The following MTUS2 variants were observed in gnomAD, a reference collection of about 807,000 sequenced individuals.
The protein encoded by MTUS2 is microtubule-associated tumor suppressor candidate 2.
Under a neutral mutation model 114.1 loss-of-function variants are expected in MTUS2, and 40 were observed. The ratio of observed to expected loss-of-function variants is 0.35; its 90% CI spans 0.27 to 0.46. The LOEUF is 0.46. Ranked by LOEUF, MTUS2 falls within the 20% of genes least tolerant of loss-of-function variation. The pLI is 1.00. For missense variants in MTUS2, 1,679 were observed against 1,705.4 expected (o/e 0.98, Z 0.27); for synonymous variants, 688 against 672.0 (o/e 1.02, Z -0.37).
intron 2 of MTUS2, among the ~76,000 whole-genome samples, chr13:29,001,973 T>C (rs534288141): frequency 2.0e-5 from 3 of 152,152 alleles, no homozygotes; most frequent in African/African-American, 7.2e-5. Context: ...AGCTTTTTGA[T>C]GGAAGAGGTA....
intron 5 of MTUS2, among the ~76,000 whole-genome samples, chr13:29,137,837 C>T (rs141549144): frequency 8.7e-4 from 132 of 151,052 alleles, no homozygotes; most frequent in Admixed American, 1.6e-3. Flanking sequence ...ACATGTGCTC[C>T]GAATTTCTAA....
chr13:29,310,196 G>T (rs1226451215), intron 6 of MTUS2, among the ~76,000 whole-genome samples: 1 of 152,266 alleles, frequency 6.6e-6, no homozygotes, highest in South Asian at 2.1e-4. Context: ...ACCTTGTGGA[G>T]TAGCTACTGT....
intron 12 of MTUS2, among the ~76,000 whole-genome samples, chr13:29,495,384 A>G (rs980417552): frequency 8.7e-5 from 13 of 148,918 alleles, no homozygotes; most frequent in African/African-American, 3.2e-4. Context: ...AAAAAAAGGA[A>G]GTAACTGGAA....
chr13:28,944,824 C>T (rs1882432943), intron 2 of MTUS2, among the ~76,000 whole-genome samples: 1 of 152,156 alleles, frequency 6.6e-6, no homozygotes, highest in South Asian at 2.1e-4. Flanking sequence ...TTCTCTTTTA[C>T]TGTCTTATAA....
intron 7 of MTUS2, among the ~76,000 whole-genome samples, chr13:29,346,573 G>A (rs553534770): frequency 9.9e-5 from 11 of 111,138 alleles, no homozygotes; most frequent in Non-Finnish European, 1.5e-4. Flanking sequence ...CAGCACGAGA[G>A]GGACATGCCC....
At chr13:29,339,059 G>A (rs190511202) in intron 7 of MTUS2, among the ~76,000 whole-genome samples, 1 of 152,096 alleles carries the variant, frequency 6.6e-6, no homozygotes, top group East Asian at 1.9e-4. Flanking sequence ...AAGGTGGCAG[G>A]GCCCTGACTC....
At chr13:29,491,522 ATG>A (rs769891497) in intron 11 of MTUS2, among the ~76,000 whole-genome samples, 20 of 97,412 alleles carry the variant, frequency 2.1e-4, no homozygotes, top group Non-Finnish European at 3.6e-4. Flanking sequence ...GGGAGGCATG[ATG>A]TGTGTGGTAT....
chr13:29,120,450 A>G (rs1891261991), intron 5 of MTUS2, among the ~76,000 whole-genome samples: 1 of 152,076 alleles, frequency 6.6e-6, no homozygotes, highest in East Asian at 1.9e-4. Flanking sequence ...ATACTTGTAT[A>G]TTAAAATATA....
At chr13:29,216,808 C>T (rs1566072159) in intron 5 of MTUS2, among the ~76,000 whole-genome samples, 1 of 152,170 alleles carries the variant, frequency 6.6e-6, no homozygotes, top group East Asian at 1.9e-4. Context: ...TCTATTCGGC[C>T]ATCTTGGAAA....
intron 2 of MTUS2, among the ~76,000 whole-genome samples, chr13:28,871,697 G>T (rs1360664833): frequency 6.6e-6 from 1 of 152,186 alleles, no homozygotes; most frequent in African/African-American, 2.4e-5. Context: ...ATTTTATGTA[G>T]TAATAACTAC....
At chr13:28,916,180 T>C (rs151014116) in intron 2 of MTUS2, among the ~76,000 whole-genome samples, 152 of 152,158 alleles carry the variant, frequency 1.0e-3, no homozygotes, top group Middle Eastern at 3.4e-3. Flanking sequence ...GCCAGTAACA[T>C]ACTGTTTTTG....
At chr13:29,050,589 T>C (rs184471937) in intron 4 of MTUS2, among the ~76,000 whole-genome samples, 3 of 152,278 alleles carry the variant, frequency 2.0e-5, no homozygotes, top group African/African-American at 7.2e-5. Flanking sequence ...ATCAGCGTCA[T>C]CTTACCCCCC....
intron 2 of MTUS2, among the ~76,000 whole-genome samples, chr13:28,932,459 C>T (rs376685858): frequency 1.3e-4 from 20 of 152,260 alleles, no homozygotes; most frequent in South Asian, 8.3e-4. Flanking sequence ...CAATACCCCA[C>T]GGTACTGAGA....
At chr13:28,922,210 A>G (rs983171842) in intron 2 of MTUS2, among the ~76,000 whole-genome samples, 1 of 152,132 alleles carries the variant, frequency 6.6e-6, no homozygotes, top group Non-Finnish European at 1.5e-5. Context: ...CATGATTGTA[A>G]GTTTCCTGAG....
rs190229853 is a variant in MTUS2, at chr13:29,478,842, G to C, written c.3185-1308G>C. Reference sequence around the variant, plus strand: ...AGGAAGACCACTGGGGACAGTGTTAGGCTGCTGGGCTGTGTGAAGGATGTT... The same window carrying C: ...AGGAAGACCACTGGGGACAGTGTTACGCTGCTGGGCTGTGTGAAGGATGTT... On this transcript the variant is annotated intron_variant, in intron 9 of 15. Transcript: ENST00000612955. Among the ~76,000 whole-genome samples the C allele has an allele frequency of 4.0e-3, 603 of 152,220 alleles. 4 individuals carry two copies. The highest frequency in any genetic ancestry group is 0.013 in the African/African-American group (559 of 41,530).
At chr13:29,338,898 C>T (rs150492263) in intron 7 of MTUS2, among the ~76,000 whole-genome samples, 1 of 152,154 alleles carries the variant, frequency 6.6e-6, no homozygotes, top group South Asian at 2.1e-4. Flanking sequence ...AACACGGTCT[C>T]TTCAGTGTGG....
chr13:28,963,701 C>T (rs1883443129), intron 2 of MTUS2, among the ~76,000 whole-genome samples: 2 of 149,358 alleles, frequency 1.3e-5, no homozygotes, highest in South Asian at 4.1e-4. Flanking sequence ...TCTGTGGACG[C>T]TTTCTTACCT....
chr13:28,827,024 T>C (rs2137934519), intron 1 of MTUS2, among the ~76,000 whole-genome samples: 1 of 152,362 alleles, frequency 6.6e-6, no homozygotes, highest in East Asian at 1.9e-4. Context: ...ACAGGCAGTA[T>C]TTTTCTACAC....
chr13:29,424,969 A>C (rs1672210345), intron 8 of MTUS2, among the ~76,000 whole-genome samples: 1 of 152,054 alleles, frequency 6.6e-6, no homozygotes, highest in Non-Finnish European at 1.5e-5. Flanking sequence ...AACCAGCAAA[A>C]TTTTTTTATG....
Sources: allele counts gnomAD v4.1 joint callset (sites outside exome capture counted in the v4.1 genomes callset), GRCh38; gene constraint gnomAD v4.1.1; transcripts MANE v1.5; gene names NCBI Gene and HGNC (gene_info 2026-07-23, HGNC 2026-07-21).